Variants in NCK1 observed in about 807,000 individuals in gnomAD.
NCK1 encodes the protein SH2/SH3 adapter protein NCK1.
Under a neutral mutation model 36.6 loss-of-function variants are expected in NCK1, and 19 were observed. The ratio of observed to expected loss-of-function variants is 0.52; its 90% CI spans 0.36 to 0.76. The LOEUF (loss-of-function observed/expected upper bound fraction) is 0.76, where lower values mean the gene tolerates loss of function less well. Ranked by LOEUF, NCK1 falls within the 30% of genes least tolerant of loss-of-function variation. The probability of loss-of-function intolerance (pLI) is 0.00; values close to 1 mark genes in which losing one functional copy is unlikely to be tolerated. For missense variants in NCK1, 358 were observed against 445.6 expected (o/e 0.80, Z 1.77); for synonymous variants, 165 against 156.0 (o/e 1.06, Z -0.43).
chr3:136,900,774 A>C (rs942734649), intron 1 of NCK1, among the ~76,000 whole-genome samples: 25 of 152,260 alleles, frequency 1.6e-4, no homozygotes, highest in Admixed American at 1.6e-3. Flanking sequence ...TTGTCCTGCA[A>C]CTTTACTGAA....
chr3:136,912,648 C>T (rs1214184293), intron 1 of NCK1, among the ~76,000 whole-genome samples: 2 of 151,284 alleles, frequency 1.3e-5, no homozygotes, highest in Non-Finnish European at 2.9e-5. Flanking sequence ...AGATTTTTCC[C>T]TCCTCTTTTT....
At chr3:136,891,987 C>G (rs1415472437) in intron 1 of NCK1, among the ~76,000 whole-genome samples, 1 of 152,224 alleles carries the variant, frequency 6.6e-6, no homozygotes, top group African/African-American at 2.4e-5. Context: ...CTCCTGGGCT[C>G]AAGGGATCCT....
chr3:136,905,432 T>A (rs1939658660), intron 1 of NCK1, among the ~76,000 whole-genome samples: 1 of 152,118 alleles, frequency 6.6e-6, no homozygotes, highest in Admixed American at 6.5e-5. Flanking sequence ...TTGTATCTTT[T>A]TTTTTTTGAG....
chr3:136,948,144 A>G, intron 3 of NCK1, 115 bp from the exon 4 acceptor site: 1 of 700,452 alleles, frequency 1.4e-6, no homozygotes, highest in Non-Finnish European at 2.2e-6. Flanking sequence ...TAAATAATTT[A>G]CCATGGTGCC....
chr3:136,935,517 C>A (rs1940507760), intron 2 of NCK1, among the ~76,000 whole-genome samples: 1 of 152,028 alleles, frequency 6.6e-6, no homozygotes, highest in Non-Finnish European at 1.5e-5. Flanking sequence ...ATAGGAAGAT[C>A]AGACTGGTTG....
At chr3:136,922,673 G>T (rs1322566390) in intron 1 of NCK1, among the ~76,000 whole-genome samples, 1 of 152,172 alleles carries the variant, frequency 6.6e-6, no homozygotes, top group Non-Finnish European at 1.5e-5. Flanking sequence ...AAATCCAAAA[G>T]ATTGACAACA....
chr3:136,872,878 AT>A (rs1352344493), intron 1 of NCK1, among the ~76,000 whole-genome samples: 1 of 152,222 alleles, frequency 6.6e-6, no homozygotes, highest in Non-Finnish European at 1.5e-5. Flanking sequence ...GAAGTCAAGA[AT>A]TGGGGTTTGG....
At chr3:136,915,653 T>A (rs1939945018) in intron 1 of NCK1, among the ~76,000 whole-genome samples, 1 of 152,038 alleles carries the variant, frequency 6.6e-6, no homozygotes, top group African/African-American at 2.4e-5. Context: ...GTTCACAGTT[T>A]CCTCAGGCTG....
intron 1 of NCK1, among the ~76,000 whole-genome samples, chr3:136,879,585 CA>C (rs889572106): frequency 6.6e-6 from 1 of 151,966 alleles, no homozygotes; most frequent in Non-Finnish European, 1.5e-5. Context: ...GCACTATTCA[CA>C]ATAGCAAAGA....
chr3:136,926,575 A>G (rs9883979), intron 1 of NCK1, among the ~76,000 whole-genome samples: 103,307 of 151,472 alleles, frequency 0.68, 35,462 homozygotes, highest in East Asian at 0.87. Flanking sequence ...GCGCCCGGCC[A>G]CTCTTTTTGT....
intron 2 of NCK1, among the ~76,000 whole-genome samples, chr3:136,940,797 G>A (rs1301446990): frequency 6.6e-6 from 1 of 152,002 alleles, no homozygotes. Context: ...CACCCGCCTC[G>A]GCTTCCTAAA....
At chr3:136,880,297 A>G (rs1276925225) in intron 1 of NCK1, among the ~76,000 whole-genome samples, 2 of 152,046 alleles carry the variant, frequency 1.3e-5, no homozygotes, top group East Asian at 3.9e-4. Flanking sequence ...AAAAAAAAAA[A>G]GAATGTGACC....
intron 1 of NCK1, among the ~76,000 whole-genome samples, chr3:136,877,111 A>C (rs1188795843): frequency 1.3e-5 from 2 of 152,214 alleles, no homozygotes; most frequent in African/African-American, 4.8e-5. Context: ...AATTAGAATA[A>C]TGAGACAAAA....
intron 1 of NCK1, among the ~76,000 whole-genome samples, chr3:136,890,870 TAAAC>T (rs1004560144): frequency 6.6e-6 from 1 of 152,216 alleles, no homozygotes; most frequent in African/African-American, 2.4e-5. Context: ...CTGTACCCAT[TAAAC>T]AACAACTCCC....
At chr3:136,942,239 T>A (rs1940697732) in intron 2 of NCK1, among the ~76,000 whole-genome samples, 1 of 152,222 alleles carries the variant, frequency 6.6e-6, no homozygotes, top group African/African-American at 2.4e-5. Flanking sequence ...GAAGGACAGT[T>A]TTGCTAAATA....
At chr3:136,900,820 A>G (rs1223147831) in intron 1 of NCK1, among the ~76,000 whole-genome samples, 1 of 152,128 alleles carries the variant, frequency 6.6e-6, no homozygotes, top group African/African-American at 2.4e-5. Context: ...GGTGGAGTCT[A>G]GGTTTCTCTA....
At chr3:136,912,229 CT>C (rs1939846193) in intron 1 of NCK1, among the ~76,000 whole-genome samples, 1 of 137,226 alleles carries the variant, frequency 7.3e-6, no homozygotes, top group African/African-American at 2.9e-5. Context: ...GTGGTGTGAT[CT>C]TGGCTCACTG....
At chr3:136,894,530 C>T (rs1444064368) in intron 1 of NCK1, among the ~76,000 whole-genome samples, 1 of 152,152 alleles carries the variant, frequency 6.6e-6, no homozygotes, top group East Asian at 1.9e-4. Flanking sequence ...ATGCCATGGT[C>T]ATGTGCTTAA....
chr3:136,923,559 C>CAAATAAATGAAT (rs1940167968), intron 1 of NCK1, among the ~76,000 whole-genome samples: 1 of 145,596 alleles, frequency 6.9e-6, no homozygotes. Context: ...GACTCCGTCT[C>CAAATAAATGAAT]AAATAAATAA....
Sources: allele counts gnomAD v4.1 joint callset (sites outside exome capture counted in the v4.1 genomes callset), GRCh38; gene constraint gnomAD v4.1.1; transcripts MANE v1.5; gene names NCBI Gene and HGNC (gene_info 2026-07-23, HGNC 2026-07-21).